The following HCN1 variants were observed in gnomAD, a reference collection of about 807,000 sequenced individuals.
HCN1 encodes the protein hyperpolarization activated cyclic nucleotide gated potassium channel 1.
Under a neutral mutation model 78.9 loss-of-function variants are expected in HCN1, and 13 were observed. That is an observed-to-expected ratio of 0.16 (90% CI 0.11 to 0.26). The LOEUF (loss-of-function observed/expected upper bound fraction) is 0.26, where lower values mean the gene tolerates loss of function less well. HCN1 is among the 10% of genes least tolerant of loss of function. The pLI is 1.00. For synonymous variants in HCN1, 552 were observed against 455.5 expected, an observed-to-expected ratio of 1.21 and a Z score of -2.70; for missense variants, 810 against 1,154.3, an observed-to-expected ratio of 0.70 and a Z score of 4.32.
chr5:45,469,829 A>G (rs1741352760), intron 2 of HCN1, among the ~76,000 whole-genome samples: 1 of 151,580 alleles, frequency 6.6e-6, no homozygotes, highest in Non-Finnish European at 1.5e-5. Flanking sequence ...GTAGAGAAAG[A>G]TGGTGAAAAA....
At chr5:45,607,240 A>C (rs757359764) in intron 2 of HCN1, among the ~76,000 whole-genome samples, 5 of 151,886 alleles carry the variant, frequency 3.3e-5, no homozygotes, top group Admixed American at 6.6e-5. Flanking sequence ...ATGGGACATT[A>C]TCAAGGAAGA....
At chr5:45,568,126 CATCAGTAACATTTGTA>C (rs1743746600) in intron 2 of HCN1, among the ~76,000 whole-genome samples, 1 of 152,002 alleles carries the variant, frequency 6.6e-6, no homozygotes, top group African/African-American at 2.4e-5. Context: ...CTATTTTAGT[CATCAGTAACATTTGTA>C]ATCATATATT....
Position 45,342,510 on chromosome 5 carries a change from T to A in HCN1, c.1377+10590A>T, listed in dbSNP as rs1379800211. On this transcript the variant is annotated intron_variant, in intron 5 of 7. Transcript: ENST00000303230. The stretch of plus-strand genomic sequence containing the variant: ...GCCTCGGCCACCCAAAATGCTGGGA[T>A]TATAGGCAGGTGTGAGCCACTGCTC... Among the ~76,000 whole-genome samples the A allele has an allele frequency of 5.3e-5, 8 of 152,126 alleles. No homozygotes were observed. In the East Asian group the frequency reaches 1.6e-3, roughly 29 times the overall value.
chr5:45,577,685 G>A (rs1743976804), intron 2 of HCN1, among the ~76,000 whole-genome samples: 1 of 151,772 alleles, frequency 6.6e-6, no homozygotes, highest in Non-Finnish European at 1.5e-5. Flanking sequence ...ACTATATAAA[G>A]AAATATATGC....
intron 2 of HCN1, among the ~76,000 whole-genome samples, chr5:45,619,369 G>C (rs1459667336): frequency 6.6e-6 from 1 of 152,088 alleles, no homozygotes; most frequent in African/African-American, 2.4e-5. Flanking sequence ...AACTGGGGAA[G>C]AGAGAATACA....
chr5:45,389,683 C>CT (rs915974728), intron 4 of HCN1, among the ~76,000 whole-genome samples: 1 of 152,108 alleles, frequency 6.6e-6, no homozygotes, highest in African/African-American at 2.4e-5. Context: ...ATCCTACTTA[C>CT]TTATAAAAAT....
chr5:45,571,080 T>C (rs1477956567), intron 2 of HCN1, among the ~76,000 whole-genome samples: 1 of 152,164 alleles, frequency 6.6e-6, no homozygotes, highest in Non-Finnish European at 1.5e-5. Flanking sequence ...CATGTCTACA[T>C]TGGTTTAATT....
intron 2 of HCN1, among the ~76,000 whole-genome samples, chr5:45,524,903 G>A (rs1742699753): frequency 2.0e-5 from 3 of 152,136 alleles, no homozygotes; most frequent in Admixed American, 2.0e-4. Context: ...TGTTGAATAG[G>A]AGTGGTGAGA....
intron 4 of HCN1, among the ~76,000 whole-genome samples, chr5:45,371,911 A>AAATATATAATATACATTATATTATATAT (rs1747375233): frequency 1.9e-5 from 2 of 108,042 alleles, no homozygotes; most frequent in African/African-American, 3.6e-5. Flanking sequence ...ATATTATAAA[A>AAATATATAATATACATTATATTATATAT]AATATATAAT....
chr5:45,667,053 T>C lies in HCN1; in HGVS notation c.426-21445A>G, dbSNP rs2589164. ...ATTCCACACATCCTTGAAGGTAAAG[T>C]GAGAACTTAGTTTGATCAGTATAGT... On this transcript the variant is annotated intron_variant, in intron 1 of 7. Transcript: ENST00000303230. 7.3e-3 allele frequency among the ~76,000 whole-genome samples: 1,116 copies of C among 151,944 alleles called. 11 individuals are homozygous for C. The highest frequency in any genetic ancestry group is 0.026 in the African/African-American group (1,067 of 41,448).
intron 3 of HCN1, among the ~76,000 whole-genome samples, chr5:45,439,152 T>C (rs192714704): frequency 6.6e-5 from 10 of 152,260 alleles, no homozygotes; most frequent in Admixed American, 3.9e-4. Flanking sequence ...AATATGATTA[T>C]CTTGTTTATT....
chr5:45,341,699 G>T (rs6451795), intron 5 of HCN1, among the ~76,000 whole-genome samples: 1 of 151,986 alleles, frequency 6.6e-6, no homozygotes, highest in Admixed American at 6.6e-5. Context: ...AAAGGCTGCA[G>T]TGAGCTATAG....
intron 2 of HCN1, among the ~76,000 whole-genome samples, chr5:45,481,638 C>T (rs1741652761): frequency 6.6e-6 from 1 of 152,076 alleles, no homozygotes; most frequent in Non-Finnish European, 1.5e-5. Flanking sequence ...GGTATGTTGA[C>T]AGATGATCTA....
chr5:45,653,013 T>A (rs529678808), intron 1 of HCN1, among the ~76,000 whole-genome samples: 1 of 152,094 alleles, frequency 6.6e-6, no homozygotes, highest in Non-Finnish European at 1.5e-5. Flanking sequence ...TCCACTAGAC[T>A]TTCCTATTGC....
intron 3 of HCN1, among the ~76,000 whole-genome samples, chr5:45,438,287 T>C (rs142429112): frequency 3.9e-5 from 6 of 152,232 alleles, no homozygotes; most frequent in African/African-American, 9.6e-5. Context: ...CATGTGTTGA[T>C]ACAGAATGGC....
intron 4 of HCN1, among the ~76,000 whole-genome samples, chr5:45,372,074 ATATATAATATAATTATATATATATTT>A (rs1561127866): frequency 0.044 from 2,822 of 64,786 alleles, 165 homozygotes; most frequent in African/African-American, 0.092. Context: ...ATTATATATT[ATATATAATATAATTATATATATATTT>A]TATATATAAT....
chr5:45,618,889 A>T (rs1246667066), intron 2 of HCN1, among the ~76,000 whole-genome samples: 4 of 152,020 alleles, frequency 2.6e-5, no homozygotes, highest in African/African-American at 9.7e-5. Context: ...ACTTTTTAAC[A>T]TATTGGGTTT....
intron 5 of HCN1, among the ~76,000 whole-genome samples, chr5:45,321,701 A>G (rs1746129819): frequency 6.6e-6 from 1 of 151,510 alleles, no homozygotes; most frequent in Admixed American, 6.6e-5. Context: ...TTACACACAT[A>G]CGTATTTTTA....
intron 5 of HCN1, among the ~76,000 whole-genome samples, chr5:45,314,976 C>A (rs1176090735): frequency 1.3e-5 from 2 of 152,262 alleles, no homozygotes; most frequent in East Asian, 3.9e-4. Flanking sequence ...GAGACTTTAA[C>A]ATCCCACTGT....
Sources: gnomAD v4.1 joint callset for allele counts (sites outside exome capture counted in the v4.1 genomes callset) on GRCh38, gnomAD v4.1.1 for gene constraint, MANE v1.5 for transcripts, NCBI Gene and HGNC (gene_info 2026-07-23, HGNC 2026-07-21) for gene names.